TCF4: variants seen among roughly 807,000 people sequenced by gnomAD.
TCF4 encodes SL3-3 enhancer factor 2.
TCF4 carries 3 observed loss-of-function variants against 82.1 expected under a neutral mutation model. That is an observed-to-expected ratio of 0.04 (90% CI 0.02 to 0.09). TCF4 has a LOEUF of 0.09. Among genes scored for constraint, TCF4 ranks in the 10% least tolerant of loss-of-function variants. The pLI, the probability that TCF4 is intolerant of heterozygous loss-of-function variation, is 1.00. For missense variants in TCF4, 518 were observed against 852.7 expected (o/e 0.61, Z 4.89); for synonymous variants, 276 against 309.6 (o/e 0.89, Z 1.14).
At chr18:55,456,753 A>T (rs181252532) in intron 5 of TCF4, among the ~76,000 whole-genome samples, 1 of 152,290 alleles carries the variant, frequency 6.6e-6, no homozygotes, top group Admixed American at 6.5e-5. Context: ...CAGGATTCTC[A>T]AACTATTCCA....
intron 3 of TCF4, among the ~76,000 whole-genome samples, chr18:55,505,889 C>A (rs1245389612): frequency 6.6e-6 from 1 of 151,808 alleles, no homozygotes; most frequent in Non-Finnish European, 1.5e-5. Context: ...TACACCCAGT[C>A]CATGTGCCTA....
At chr18:55,619,700 A>T (rs2097715740) in intron 2 of TCF4, among the ~76,000 whole-genome samples, 1 of 152,000 alleles carries the variant, frequency 6.6e-6, no homozygotes, top group Non-Finnish European at 1.5e-5. Context: ...CAATTACTTA[A>T]TTTTTTTCAT....
At chr18:55,629,558 G>C (rs1165597673) in intron 2 of TCF4, among the ~76,000 whole-genome samples, 1 of 152,178 alleles carries the variant, frequency 6.6e-6, no homozygotes, top group Non-Finnish European at 1.5e-5. Flanking sequence ...AAATGGCAAA[G>C]ATAAGAAGAT....
intron 3 of TCF4, among the ~76,000 whole-genome samples, chr18:55,472,712 TG>T (rs2145238994): frequency 6.6e-6 from 1 of 151,992 alleles, no homozygotes; most frequent in East Asian, 1.9e-4. Flanking sequence ...GAATAACAAT[TG>T]GAAGTAAGTT....
At chr18:55,396,513 C>G (rs1192810124) in intron 6 of TCF4, among the ~76,000 whole-genome samples, 1 of 152,182 alleles carries the variant, frequency 6.6e-6, no homozygotes, top group Non-Finnish European at 1.5e-5. Flanking sequence ...ACCACAGCAA[C>G]CCCCTCGAGT....
intron 5 of TCF4, among the ~76,000 whole-genome samples, chr18:55,410,690 G>A (rs1255374026): frequency 2.6e-5 from 4 of 151,910 alleles, no homozygotes; most frequent in Non-Finnish European, 1.5e-5. Flanking sequence ...TGCCACCTCC[G>A]TTTGGAGTTT....
At chr18:55,242,032 A>T (rs1184464049) in intron 15 of TCF4, among the ~76,000 whole-genome samples, 1 of 152,164 alleles carries the variant, frequency 6.6e-6, no homozygotes, top group Non-Finnish European at 1.5e-5. Flanking sequence ...TAACGCCCAC[A>T]TCACTAAGGC....
chr18:55,596,138 G>A (rs146003827), intron 2 of TCF4: 28 of 437,270 alleles, frequency 6.4e-5, no homozygotes, highest in Non-Finnish European at 1.1e-4. Flanking sequence ...GCTGAGGCAG[G>A]AGGATAGCTT....
chr18:55,541,566 C>T (rs1440737002), intron 3 of TCF4, among the ~76,000 whole-genome samples: 1 of 151,966 alleles, frequency 6.6e-6, no homozygotes, highest in Non-Finnish European at 1.5e-5. Context: ...GCATATTTCT[C>T]TGATACAAAA....
intron 8 of TCF4, among the ~76,000 whole-genome samples, chr18:55,325,674 C>T (rs1325494051): frequency 6.6e-6 from 1 of 152,204 alleles, no homozygotes; most frequent in Non-Finnish European, 1.5e-5. Flanking sequence ...AGTCACTGAA[C>T]ACGGAAAGTT....
At chr18:55,249,074 G>T (rs1007791618) in intron 15 of TCF4, among the ~76,000 whole-genome samples, 2 of 152,060 alleles carry the variant, frequency 1.3e-5, no homozygotes, top group African/African-American at 4.8e-5. Context: ...TTCTACTAGT[G>T]AGTACCCATG....
At chr18:55,471,655 A>G (rs1185926018) in intron 3 of TCF4, among the ~76,000 whole-genome samples, 3 of 152,012 alleles carry the variant, frequency 2.0e-5, no homozygotes, top group Non-Finnish European at 4.4e-5. Flanking sequence ...AGTCCCAGCT[A>G]CTCAAGAGGC....
At chr18:55,557,306 T>C (rs1233645174) in intron 3 of TCF4, among the ~76,000 whole-genome samples, 4 of 152,020 alleles carry the variant, frequency 2.6e-5, no homozygotes, top group Non-Finnish European at 5.9e-5. Context: ...GGAGCAGTAG[T>C]GTACACCTGT....
intron 5 of TCF4, among the ~76,000 whole-genome samples, chr18:55,418,482 T>C (rs1049607071): frequency 1.3e-5 from 2 of 152,224 alleles, no homozygotes; most frequent in Non-Finnish European, 2.9e-5. Context: ...GTCATCTGCA[T>C]CCTGTATTAA....
intron 8 of TCF4, 27 bp from the exon 9 acceptor site, chr18:55,279,683 T>C (rs1329294446): frequency 6.2e-7 from 1 of 1,613,714 alleles, no homozygotes; most frequent in Admixed American, 1.7e-5. Flanking sequence ...AACTGAGTTT[T>C]GCTTTTTGCA....
chr18:55,378,399 T>C (rs2145790773), intron 6 of TCF4, among the ~76,000 whole-genome samples: 1 of 152,334 alleles, frequency 6.6e-6, no homozygotes, highest in South Asian at 2.1e-4. Flanking sequence ...ATGAAATATG[T>C]GCTAATGTTA....
chr18:55,233,551 C>T (rs2048471787), intron 16 of TCF4, among the ~76,000 whole-genome samples: 1 of 152,120 alleles, frequency 6.6e-6, no homozygotes, highest in African/African-American at 2.4e-5. Flanking sequence ...TGTGGTGGTT[C>T]ACACCTGTAA....
chr18:55,555,647 T>C (rs1418663456), intron 3 of TCF4, among the ~76,000 whole-genome samples: 1 of 152,184 alleles, frequency 6.6e-6, no homozygotes, highest in African/African-American at 2.4e-5. Context: ...ACTGTTGTTA[T>C]CCAATTCCTA....
At position 55,540,535 on chromosome 18, in the gene TCF4, A is replaced by T. The variant is rs566098732; in HGVS notation, c.145+44745T>A. Among the ~76,000 whole-genome samples, 61 of 152,176 alleles carry T rather than the reference A, an allele frequency of 4.0e-4. 1 individual carries two copies. The highest frequency in any genetic ancestry group is 1.4e-3 in the African/African-American group (58 of 41,562). On this transcript the variant is annotated intron_variant, in intron 3 of 19. Coordinates refer to ENST00000354452, the MANE Select transcript of TCF4 (RefSeq NM_001083962.2). ...CTGATACTCCTCCCACAGTTTGCCT[A>T]ATCAAGAGTAAATCATAATATCTGA...
Sources: allele counts gnomAD v4.1 joint callset (sites outside exome capture counted in the v4.1 genomes callset), GRCh38; gene constraint gnomAD v4.1.1; transcripts MANE v1.5; gene names NCBI Gene and HGNC (gene_info 2026-07-23, HGNC 2026-07-21).